CALD1: variants seen among roughly 807,000 people sequenced by gnomAD.
CALD1 encodes caldesmon.
In CALD1, 33 loss-of-function variants were observed where a neutral mutation model predicts 99.9. The observed-to-expected ratio is 0.33, with a 90% CI of 0.25 to 0.44. The LOEUF (loss-of-function observed/expected upper bound fraction) is 0.44, where lower values mean the gene tolerates loss of function less well. Ranked by LOEUF, CALD1 falls within the 20% of genes least tolerant of loss-of-function variation. The pLI is 1.00. For missense variants in CALD1, 861 were observed against 962.1 expected, an observed-to-expected ratio of 0.89 and a Z score of 1.39; for synonymous variants, 310 against 325.0, an observed-to-expected ratio of 0.95 and a Z score of 0.50.
At chr7:134,862,190 T>C (rs1402024474) in intron 2 of CALD1, among the ~76,000 whole-genome samples, 1 of 152,212 alleles carries the variant, frequency 6.6e-6, no homozygotes, top group Non-Finnish European at 1.5e-5. Flanking sequence ...CAATCACTGA[T>C]AATAGTCCTC....
chr7:134,717,042 A>G, the CALD1 span, among the ~76,000 whole-genome samples: 1 of 152,214 alleles, frequency 6.6e-6, no homozygotes, highest in African/African-American at 2.4e-5. Flanking sequence ...TGTCTATAAT[A>G]TATTTAATTT....
chr7:134,946,934 G>A (rs1382238492), intron 7 of CALD1, among the ~76,000 whole-genome samples: 20 of 151,836 alleles, frequency 1.3e-4, no homozygotes, highest in Admixed American at 1.0e-3. Flanking sequence ...CAATCCGCCC[G>A]CCTCGGCCTC....
chr7:134,854,372 C>G (rs1023165726), intron 2 of CALD1, among the ~76,000 whole-genome samples: 2 of 152,216 alleles, frequency 1.3e-5, no homozygotes, highest in Non-Finnish European at 2.9e-5. Flanking sequence ...TCACCAGCAT[C>G]TGTTGTTTCC....
At chr7:134,887,118 C>G (rs1368476169) in intron 3 of CALD1, among the ~76,000 whole-genome samples, 1 of 152,160 alleles carries the variant, frequency 6.6e-6, no homozygotes, top group Non-Finnish European at 1.5e-5. Flanking sequence ...CAGCACAGGC[C>G]ATGAAGACGC....
intron 1 of CALD1, among the ~76,000 whole-genome samples, chr7:134,830,438 A>C (rs556681731): frequency 6.6e-6 from 1 of 152,040 alleles, no homozygotes; most frequent in African/African-American, 2.4e-5. Flanking sequence ...CTACATGTGC[A>C]GGATGTGCAG....
chr7:134,775,521 C>T (rs952325444), upstream of CALD1, among the ~76,000 whole-genome samples: 4 of 152,108 alleles, frequency 2.6e-5, no homozygotes, highest in East Asian at 5.8e-4. Flanking sequence ...ACCATCCTGG[C>T]TAACATGGTG....
chr7:134,843,044 G>C (rs1383696991), intron 1 of CALD1, among the ~76,000 whole-genome samples: 1 of 152,170 alleles, frequency 6.6e-6, no homozygotes, highest in African/African-American at 2.4e-5. Flanking sequence ...GCTGCAATGG[G>C]GACTCGGGGA....
At chr7:134,953,517 T>C (rs1473870885) in intron 9 of CALD1, among the ~76,000 whole-genome samples, 2 of 147,854 alleles carry the variant, frequency 1.4e-5, no homozygotes, top group Non-Finnish European at 3.0e-5. Flanking sequence ...AAACTCCGTC[T>C]CAAAAAAAAA....
the CALD1 span, among the ~76,000 whole-genome samples, chr7:134,713,516 T>G: frequency 6.6e-6 from 1 of 152,162 alleles, no homozygotes; most frequent in Admixed American, 6.5e-5. Context: ...CAGACTGTGT[T>G]TTGTGGGACA....
At chr7:134,723,174 C>T in the CALD1 span, among the ~76,000 whole-genome samples, 1,124 of 152,244 alleles carry the variant, frequency 7.4e-3, 8 homozygotes, top group Non-Finnish European at 0.012. Flanking sequence ...TCAGTTCTTG[C>T]GTAAAAAGAT....
Position 134,920,301 on chromosome 7 carries a change from T to G in CALD1, c.72-8453T>G, listed in dbSNP as rs139419430. 3.2e-5 allele frequency among the ~76,000 whole-genome samples: 4 copies of G among 126,018 alleles called. No homozygotes were observed. In the East Asian group the frequency reaches 2.1e-3, roughly 65 times the overall value. 82.7% of individuals were successfully genotyped at this position (126,018 alleles called of 152,430 possible). On this transcript the variant is annotated intron_variant, in intron 3 of 14. Transcript: ENST00000361675. ...GGGGGTTTTGGTACATGAAAAAGAA[T>G]AATGAAAGTATGTGTGAGTCATTTT...
intron 1 of CALD1, among the ~76,000 whole-genome samples, chr7:134,798,614 A>G (rs1797835310): frequency 6.6e-6 from 1 of 152,212 alleles, no homozygotes; most frequent in Non-Finnish European, 1.5e-5. Flanking sequence ...AGATCTAAAG[A>G]CTTTGGCCAG....
At chr7:134,735,535 TTCTC>T in the CALD1 span, among the ~76,000 whole-genome samples, 2 of 150,150 alleles carry the variant, frequency 1.3e-5, no homozygotes, top group Admixed American at 6.7e-5. Flanking sequence ...GGAATGCTAT[TTCTC>T]TCTTTCTTTC....
intron 3 of CALD1, among the ~76,000 whole-genome samples, chr7:134,871,134 T>C (rs532991338): frequency 1.2e-4 from 19 of 152,200 alleles, no homozygotes; most frequent in Non-Finnish European, 1.0e-4. Flanking sequence ...GTATTGGTGG[T>C]CACTTTAATT....
intron 1 of CALD1, among the ~76,000 whole-genome samples, chr7:134,832,037 C>A (rs6964673): frequency 0.44 from 66,681 of 152,056 alleles, 15,126 homozygotes; most frequent in South Asian, 0.55. Flanking sequence ...TTTCCCCATG[C>A]GTCTTCCGTA....
intron 3 of CALD1, among the ~76,000 whole-genome samples, chr7:134,910,019 A>G (rs1803684652): frequency 6.6e-6 from 1 of 152,230 alleles, no homozygotes. Context: ...AGCCCATAAC[A>G]CAATGTCATT....
rs372546818 is a variant in CALD1 at position 134,773,151 on chromosome 7, TCTTA to T, written c.-130+28791_-130+28794del. Among the ~76,000 whole-genome samples, 56 of 152,332 alleles carry T rather than the reference TCTTA, an allele frequency of 3.7e-4. No individual in the cohort carries two copies. In the East Asian group the frequency reaches 7.7e-3, roughly 21 times the overall value. The stretch of plus-strand genomic sequence containing the variant: ...TTATTATTTCCTTTGATAATTTTCT[TCTTA>T]CTATTTTTTTTCTGTCCTCTTTTTT... On this transcript the variant is annotated intron_variant, in intron 1 of 13. Coordinates refer to the CALD1 transcript ENST00000417172.
intron 1 of CALD1, among the ~76,000 whole-genome samples, chr7:134,826,942 T>C (rs1485960424): frequency 2.6e-5 from 4 of 152,178 alleles, no homozygotes; most frequent in Non-Finnish European, 5.9e-5. Context: ...TTTAACAGAC[T>C]TTGATGAATG....
intron 3 of CALD1, chr7:134,900,167 C>T (rs1443917864): frequency 6.6e-6 from 1 of 151,440 alleles, no homozygotes; most frequent in Non-Finnish European, 1.5e-5. Context: ...GCAATGTCCA[C>T]CAAAGGCCAC....
Sources: gnomAD v4.1 joint callset for allele counts (sites outside exome capture counted in the v4.1 genomes callset) on GRCh38, gnomAD v4.1.1 for gene constraint, MANE v1.5 for transcripts, NCBI Gene and HGNC (gene_info 2026-07-23, HGNC 2026-07-21) for gene names.